The following BICDL1 variants were observed in gnomAD, a reference collection of about 807,000 sequenced individuals.
BICDL1 encodes the protein BICD family-like cargo adapter 1.
In BICDL1, 20 loss-of-function variants were observed where a neutral mutation model predicts 76.8. That is an observed-to-expected ratio of 0.26 (90% CI 0.18 to 0.38). The LOEUF (loss-of-function observed/expected upper bound fraction) is 0.38, where lower values mean the gene tolerates loss of function less well. Among genes scored for constraint, BICDL1 ranks in the 10% least tolerant of loss-of-function variants. The pLI is 1.00. For missense variants in BICDL1, 700 were observed against 798.6 expected (o/e 0.88, Z 1.49); for synonymous variants, 383 against 337.1 (o/e 1.14, Z -1.49).
chr12:120,092,638 C>G (rs1395412022), intron 9 of BICDL1: 1 of 985,438 alleles, frequency 1.0e-6, no homozygotes, highest in East Asian at 1.1e-4. Context: ...ACCAGCCAGG[C>G]CCACAGGACA....
chr12:119,990,139 C>T lies in BICDL1; in HGVS notation c.271C>T (p.Pro91Ser). 1 of 1,550,380 alleles carries T rather than the reference C, an allele frequency of 6.5e-7. No homozygotes were observed. The highest frequency in any genetic ancestry group is 8.7e-7 in the Non-Finnish European group (1 of 1,147,162). The change falls in exon 1 of 10, where the codon CCG becomes TCG. Residue 91 changes from proline to serine, a missense_variant. By Grantham distance (74) the Pro-to-Ser change is moderately conservative. Transcript: ENST00000548673. ...TCTGGCCGAGGGGGCCGGACCGCAGCCGCCGCCCTCCCAGGACCCCGAGCT... is the reference window on the plus strand; with the variant it reads ...TCTGGCCGAGGGGGCCGGACCGCAGTCGCCGCCCTCCCAGGACCCCGAGCT... ...GSLAEGAGPQ[P>S]PPSQDPELLS...
At chr12:120,054,030 G>A (rs1361385749) in intron 2 of BICDL1, among the ~76,000 whole-genome samples, 3 of 151,326 alleles carry the variant, frequency 2.0e-5, no homozygotes, top group Admixed American at 6.6e-5. Flanking sequence ...AAAAAAATAA[G>A]CCAGGCATGG....
intron 2 of BICDL1, among the ~76,000 whole-genome samples, chr12:120,025,162 C>T (rs544373367): frequency 1.1e-4 from 16 of 151,802 alleles, no homozygotes; most frequent in Non-Finnish European, 1.8e-4. Context: ...ACCATTCTCC[C>T]GCCTCAGCCT....
chr12:120,031,304 C>T (rs748493797), intron 2 of BICDL1, among the ~76,000 whole-genome samples: 7 of 150,992 alleles, frequency 4.6e-5, no homozygotes, highest in South Asian at 2.1e-4. Flanking sequence ...CCTGGGTTCA[C>T]GCCATTCTCC....
intron 1 of BICDL1, 47 bp downstream of exon 1, chr12:119,990,344 G>T (rs1951492603): frequency 1.3e-6 from 2 of 1,539,520 alleles, no homozygotes; most frequent in Admixed American, 2.1e-5. Context: ...GGCCGCCCAG[G>T]CACGCGCCCG....
intron 7 of BICDL1, among the ~76,000 whole-genome samples, chr12:120,077,347 C>T (rs1372098253): frequency 1.3e-5 from 2 of 152,194 alleles, no homozygotes; most frequent in East Asian, 1.9e-4. Flanking sequence ...TACCCCACTC[C>T]CATCAGTGGC....
At chr12:120,068,116 C>T (rs1368690515) in intron 4 of BICDL1, among the ~76,000 whole-genome samples, 1 of 152,202 alleles carries the variant, frequency 6.6e-6, no homozygotes, top group Non-Finnish European at 1.5e-5. Context: ...AGCTTTCTCC[C>T]TTCATGAGAA....
Position 120,092,297 on chromosome 12 carries a change from T to A in BICDL1, c.1705-703T>A, listed in dbSNP as rs118181495. ...GGAGGAAGGCATTTTCTGGACCACA[T>A]GAACGAATTCGAGTTGGGGGACGGT... On this transcript the variant is annotated intron_variant, in intron 9 of 9. Coordinates refer to ENST00000548673, the MANE Select transcript of BICDL1 (RefSeq NM_001367886.1). 3.8e-3 allele frequency: 3,737 copies of A among 985,426 alleles called. 17 individuals are homozygous for A. The highest frequency in any genetic ancestry group is 3.9e-3 in the Non-Finnish European group (3,233 of 829,932). 61.0% of individuals were successfully genotyped at this position (985,426 alleles called of 1,614,324 possible). A position where few individuals can be genotyped will look rare whatever the true frequency, so the allele number is the denominator to read the frequency against.
intron 2 of BICDL1, among the ~76,000 whole-genome samples, chr12:120,020,638 C>T (rs764417095): frequency 2.0e-5 from 3 of 152,072 alleles, no homozygotes; most frequent in Non-Finnish European, 4.4e-5. Context: ...ACCATTCCAA[C>T]TCCTAATAAA....
chr12:119,998,766 A>G (rs1951701416), intron 2 of BICDL1, 30 bp downstream of exon 2: 1 of 1,590,636 alleles, frequency 6.3e-7, no homozygotes, highest in South Asian at 1.1e-5. Flanking sequence ...TTTAAGATGT[A>G]AAATACTAAA....
intron 2 of BICDL1, among the ~76,000 whole-genome samples, chr12:120,013,439 A>AGTGTGTGTGTGTGTGTGTGTGTGT (rs35499277): frequency 1.5e-5 from 2 of 134,892 alleles, no homozygotes; most frequent in East Asian, 2.3e-4. Flanking sequence ...CTTTAACCAG[A>AGTGTGTGTGTGTGTGTGTGTGTGT]GTGTGTGTGT....
chr12:120,000,901 TCA>T (rs930477450), intron 2 of BICDL1, among the ~76,000 whole-genome samples: 2 of 152,242 alleles, frequency 1.3e-5, no homozygotes, highest in African/African-American at 4.8e-5. Context: ...AGGATTTGTT[TCA>T]GTGTTGATGG....
chr12:120,041,012 G>A (rs1041108134), intron 2 of BICDL1, among the ~76,000 whole-genome samples: 2 of 152,120 alleles, frequency 1.3e-5, no homozygotes, highest in Non-Finnish European at 2.9e-5. Context: ...CTCCCAAAGT[G>A]CTGAGATTAC....
rs530406237 is a variant in BICDL1, at chr12:120,092,475, G to A, written c.1705-525G>A. On this transcript the variant is annotated intron_variant, in intron 9 of 9. Transcript: ENST00000548673. ...GGCATCCTTGCCACGTGAGGCTGCCGTTGGTGCCTGGGCATCAGTAGCTCA... is the reference window on the plus strand; with the variant it reads ...GGCATCCTTGCCACGTGAGGCTGCCATTGGTGCCTGGGCATCAGTAGCTCA... 666 of 985,360 alleles carry A rather than the reference G, an allele frequency of 6.8e-4. 1 individual carries two copies. Among genetic ancestry groups the A allele is most frequent in the Non-Finnish European group, 7.6e-4 (633 of 829,932 alleles). 61.0% of individuals were successfully genotyped at this position (985,360 alleles called of 1,614,324 possible).
intron 2 of BICDL1, among the ~76,000 whole-genome samples, chr12:120,060,742 T>A (rs1419109361): frequency 6.6e-6 from 1 of 152,188 alleles, no homozygotes; most frequent in Non-Finnish European, 1.5e-5. Context: ...GACAATTGAT[T>A]ATATAGTACT....
intron 2 of BICDL1, among the ~76,000 whole-genome samples, chr12:120,050,445 T>G (rs919131226): frequency 6.6e-6 from 1 of 151,296 alleles, no homozygotes; most frequent in Non-Finnish European, 1.5e-5. Context: ...TTTTTTGTGT[T>G]TTTAGTAGAG....
In BICDL1 at chr12:120,074,472, A is replaced by G; in HGVS notation, c.1338A>G (p.Leu446=). The change falls in exon 7 of 10, where the codon TTA becomes TTG. Residue 446 remains leucine, a synonymous_variant. Coordinates refer to ENST00000548673, the MANE Select transcript of BICDL1 (RefSeq NM_001367886.1). ...TGSRRLDDDS[L]EEQIRQTSED... ...CCCGGAGACTTGATGATGACTCCTT[A>G]GAAGAACAGATAAGGCAGACCAGTG... The G allele has an allele frequency of 7.9e-7, 1 of 1,264,204 alleles. No homozygotes were observed. Among genetic ancestry groups the G allele is most frequent in the South Asian group, 1.3e-5 (1 of 76,930 alleles). 78.3% of individuals were successfully genotyped at this position (1,264,204 alleles called of 1,614,324 possible).
chr12:120,004,944 C>T (rs2138638167), intron 2 of BICDL1, among the ~76,000 whole-genome samples: 1 of 152,254 alleles, frequency 6.6e-6, no homozygotes, highest in South Asian at 2.1e-4. Context: ...GTCTCAGCCT[C>T]CTGAGTAGCT....
chr12:120,009,665 G>A (rs1222746266), intron 2 of BICDL1, among the ~76,000 whole-genome samples: 1 of 152,178 alleles, frequency 6.6e-6, no homozygotes, highest in African/African-American at 2.4e-5. Context: ...TAAATGGTAG[G>A]AAGATTGCAG....
Sources: gnomAD v4.1 joint callset for allele counts (sites outside exome capture counted in the v4.1 genomes callset) on GRCh38, gnomAD v4.1.1 for gene constraint, MANE v1.5 for transcripts, NCBI Gene and HGNC (gene_info 2026-07-23, HGNC 2026-07-21) for gene names.